CEP170: variants seen among roughly 807,000 people sequenced by gnomAD.
CEP170 encodes the protein centrosomal protein 170, also known as centrosomal protein of 170 kDa.
CEP170 carries 21 observed loss-of-function variants against 151.9 expected under a neutral mutation model. The ratio of observed to expected loss-of-function variants is 0.14; its 90% CI spans 0.10 to 0.20. CEP170 has a LOEUF of 0.20. CEP170 is among the 10% of genes least tolerant of loss of function. The probability of loss-of-function intolerance (pLI) is 1.00; values close to 1 mark genes in which losing one functional copy is unlikely to be tolerated. For missense variants in CEP170, 964 were observed against 1,892.9 expected (o/e 0.51, Z 9.11); for synonymous variants, 356 against 648.8 (o/e 0.55, Z 6.86).
At chr1:243,223,533 T>C (rs890220648) in intron 2 of CEP170, among the ~76,000 whole-genome samples, 1 of 152,198 alleles carries the variant, frequency 6.6e-6, no homozygotes, top group Non-Finnish European at 1.5e-5. Flanking sequence ...GGAATATCCT[T>C]AATCTACAAT....
chr1:243,204,022 T>A (rs2061243096), intron 4 of CEP170, among the ~76,000 whole-genome samples: 1 of 152,262 alleles, frequency 6.6e-6, no homozygotes, highest in Admixed American at 6.5e-5. Context: ...AAAACATAGT[T>A]TTCAAACAAC....
intron 3 of CEP170, among the ~76,000 whole-genome samples, chr1:243,215,405 T>A (rs2062176200): frequency 1.3e-5 from 2 of 152,152 alleles, no homozygotes. Context: ...ATCGCTGAAT[T>A]CCTTTTCTCA....
intron 1 of CEP170, chr1:243,254,282 C>T (rs972241855): frequency 1.3e-5 from 2 of 152,194 alleles, no homozygotes; most frequent in Non-Finnish European, 2.9e-5. Context: ...CCCACGTCTT[C>T]CCGCCCTGTG....
chr1:243,229,984 A>G (rs1250047763), intron 1 of CEP170, among the ~76,000 whole-genome samples: 1 of 152,206 alleles, frequency 6.6e-6, no homozygotes, highest in African/African-American at 2.4e-5. Flanking sequence ...TTAACCCTCA[A>G]CAAGTAAGAT....
At position 243,126,222 on chromosome 1, in the gene CEP170, T is replaced by G. The variant is rs1444756307; in HGVS notation, c.*227A>C. ...ATCATAAAACCACAAAAGGCGACAC[T>G]GCCACAATCTGCTTTTTCCTATTTG... On this transcript the variant is annotated 3_prime_UTR_variant, in exon 20 of 20. Coordinates refer to ENST00000366542, the MANE Select transcript of CEP170 (RefSeq NM_014812.3). The G allele has an allele frequency of 1.5e-6, 1 of 645,406 alleles. No individual in the cohort carries two copies. The highest frequency in any genetic ancestry group is 2.9e-6 in the Non-Finnish European group (1 of 347,550). 40.0% of individuals were successfully genotyped at this position (645,406 alleles called of 1,614,324 possible). A position where few individuals can be genotyped will look rare whatever the true frequency, so the allele number is the denominator to read the frequency against.
At chr1:243,244,368 C>CAA (rs2065157688) in intron 1 of CEP170, among the ~76,000 whole-genome samples, 1 of 152,020 alleles carries the variant, frequency 6.6e-6, no homozygotes, top group South Asian at 2.1e-4. Context: ...CACACACACA[C>CAA]ACACACACAC....
rs2057580001 is a variant in CEP170 at position 243,156,692 on chromosome 1, T to C, written c.3677-237A>G. ...AACAATTGGAAGACCATGTTTTCCA[T>C]AGTGTGGTGAGTAAACATTCAGATG... On this transcript the variant is annotated intron_variant, in intron 13 of 19. Transcript: ENST00000366542. 2.2e-5 allele frequency: 9 copies of C among 402,872 alleles called. 2 individuals carry two copies. In the South Asian group the frequency reaches 4.5e-4, roughly 20 times the overall value. 25.0% of individuals were successfully genotyped at this position (402,872 alleles called of 1,614,324 possible). A position where few individuals can be genotyped will look rare whatever the true frequency, so the allele number is the denominator to read the frequency against.
intron 13 of CEP170, among the ~76,000 whole-genome samples, chr1:243,159,801 G>GTGTGTGTGTGTGTGTGTGTGTGTGTT (rs1170946413): frequency 6.6e-6 from 1 of 150,850 alleles, no homozygotes; most frequent in Non-Finnish European, 1.5e-5. Context: ...GTGTGTGTGT[G>GTGTGTGTGTGTGTGTGTGTGTGTGTT]TTTTTGAGAT....
At chr1:243,240,058 C>A (rs531859169) in intron 1 of CEP170, among the ~76,000 whole-genome samples, 14 of 152,316 alleles carry the variant, frequency 9.2e-5, no homozygotes, top group Admixed American at 7.8e-4. Flanking sequence ...GGGCTGTAAT[C>A]CCAGCACTTC....
chr1:243,132,239 C>T (rs1397032954), intron 17 of CEP170, among the ~76,000 whole-genome samples: 1 of 152,222 alleles, frequency 6.6e-6, no homozygotes, highest in African/African-American at 2.4e-5. Context: ...CAGGTCTCTA[C>T]CCCTTAGGTT....
At chr1:243,172,571 G>A (rs1043836225) in intron 11 of CEP170, 126 bp downstream of exon 11, 3 of 647,860 alleles carry the variant, frequency 4.6e-6, no homozygotes, top group Non-Finnish European at 7.3e-6. Context: ...GGCAGAGGCT[G>A]CAGTGAGCCG....
At chr1:243,207,397 A>G (rs2061494390) in intron 4 of CEP170, among the ~76,000 whole-genome samples, 1 of 152,148 alleles carries the variant, frequency 6.6e-6, no homozygotes, top group Admixed American at 6.5e-5. Flanking sequence ...ACAAAGCAAA[A>G]AGTTCTGCAA....
intron 16 of CEP170, among the ~76,000 whole-genome samples, chr1:243,139,574 A>C (rs1297148888): frequency 6.6e-6 from 1 of 151,438 alleles, no homozygotes; most frequent in Non-Finnish European, 1.5e-5. Flanking sequence ...TTCTAAGGCC[A>C]AAAGTTTGTG....
chr1:243,176,298 C>T (rs2059247445), intron 10 of CEP170, among the ~76,000 whole-genome samples: 1 of 152,088 alleles, frequency 6.6e-6, no homozygotes, highest in African/African-American at 2.4e-5. Context: ...TTGCCAGTTT[C>T]TAATTCTTCC....
At chr1:243,230,286 G>C (rs1001617970) in intron 1 of CEP170, among the ~76,000 whole-genome samples, 2 of 152,048 alleles carry the variant, frequency 1.3e-5, no homozygotes. Context: ...GGGCAACAGA[G>C]TGAAACACTG....
chr1:243,242,609 G>T (rs1162307468), intron 1 of CEP170, among the ~76,000 whole-genome samples: 3 of 152,126 alleles, frequency 2.0e-5, no homozygotes, highest in Admixed American at 1.3e-4. Context: ...CCCAGGGTAT[G>T]GTACCCTCCC....
Position 243,186,630 on chromosome 1 carries a change from C to T in CEP170, c.1109-208G>A, listed in dbSNP as rs1007948179. ...AACTAACAATGAGGTCCTTTATAAA[C>T]AACTGAATAGGATCGCCTTTCTCCA... On this transcript the variant is annotated intron_variant, in intron 8 of 19. Transcript: ENST00000366542. 9.3e-6 allele frequency: 5 copies of T among 538,558 alleles called. No individual in the cohort carries two copies. The African/African-American group carries it at 9.5e-5, about 10-fold the overall frequency. The allele number at this position is 538,558 out of a possible 1,614,324, so 33.4% of individuals were successfully genotyped here.
At chr1:243,241,720 G>A (rs990126885) in intron 1 of CEP170, among the ~76,000 whole-genome samples, 6 of 148,418 alleles carry the variant, frequency 4.0e-5, no homozygotes, top group African/African-American at 1.5e-4. Context: ...AACCCGGGAG[G>A]CAGAGGTTGC....
At chr1:243,151,976 T>C (rs1490239814) in intron 14 of CEP170, among the ~76,000 whole-genome samples, 1 of 152,166 alleles carries the variant, frequency 6.6e-6, no homozygotes, top group Non-Finnish European at 1.5e-5. Flanking sequence ...TCTACTCTGC[T>C]TGTGCTCTAC....
Sources: allele counts gnomAD v4.1 joint callset (sites outside exome capture counted in the v4.1 genomes callset), GRCh38; gene constraint gnomAD v4.1.1; transcripts MANE v1.5; gene names NCBI Gene and HGNC (gene_info 2026-07-23, HGNC 2026-07-21).